INSL6: variants seen among roughly 807,000 people sequenced by gnomAD.
INSL6 encodes insulin like 6.
In INSL6, 16 loss-of-function variants were observed where a neutral mutation model predicts 9.4. The ratio of observed to expected loss-of-function variants is 1.70; its 90% CI spans 1.15 to 2.59. The LOEUF is 2.59. Among genes scored for constraint, INSL6 ranks in the 30% most tolerant of loss-of-function variants. The pLI is 0.00. For missense variants in INSL6, 391 were observed against 257.3 expected (o/e 1.52, Z -3.56); for synonymous variants, 154 against 96.9 (o/e 1.59, Z -3.46).
At chr9:5,115,441 G>C in the INSL6 span, among the ~76,000 whole-genome samples, 2 of 152,192 alleles carry the variant, frequency 1.3e-5, no homozygotes, top group Non-Finnish European at 2.9e-5. Flanking sequence ...GGAAAAACAG[G>C]AATGCTTTTA....
chr9:5,050,546 C>T, the INSL6 span: 1 of 774,848 alleles, frequency 1.3e-6, no homozygotes, highest in Non-Finnish European at 2.0e-6. Context: ...TCTGGGATTA[C>T]AGGCATGAGC....
chr9:5,060,093 C>CTT, the INSL6 span, among the ~76,000 whole-genome samples: 5 of 152,156 alleles, frequency 3.3e-5, no homozygotes, highest in East Asian at 9.6e-4. Context: ...ACACTATAAT[C>CTT]AAGTCTACTA....
the INSL6 span, among the ~76,000 whole-genome samples, chr9:5,096,361 C>A: frequency 6.6e-6 from 1 of 152,158 alleles, no homozygotes; most frequent in African/African-American, 2.4e-5. Context: ...AAACTCTATT[C>A]TGCATCAGTT....
the INSL6 span, among the ~76,000 whole-genome samples, chr9:5,104,247 A>T: frequency 1.6e-4 from 25 of 152,368 alleles, no homozygotes; most frequent in Middle Eastern, 3.4e-3. Context: ...CACCGATCCC[A>T]CAGAAATACA....
At chr9:5,162,440 T>C (rs992991494), downstream of INSL6, among the ~76,000 whole-genome samples, 3 of 152,150 alleles carry the variant, frequency 2.0e-5, no homozygotes, top group African/African-American at 4.8e-5. Context: ...AATTTTCTAA[T>C]TGGGACTTTT....
chr9:5,005,963 A>T, the INSL6 span, among the ~76,000 whole-genome samples: 1 of 152,096 alleles, frequency 6.6e-6, no homozygotes, highest in Non-Finnish European at 1.5e-5. Flanking sequence ...CTTAGGATTG[A>T]CCTGGCGATG....
the INSL6 span, among the ~76,000 whole-genome samples, chr9:5,065,580 G>A: frequency 6.6e-6 from 1 of 152,160 alleles, no homozygotes; most frequent in South Asian, 2.1e-4. Flanking sequence ...TAATGCAACC[G>A]AGGAACTGAA....
the INSL6 span, among the ~76,000 whole-genome samples, chr9:5,011,323 C>G: frequency 6.6e-6 from 1 of 152,078 alleles, no homozygotes; most frequent in African/African-American, 2.4e-5. Context: ...GTAGCTGGGA[C>G]TACGGGCACA....
the INSL6 span, among the ~76,000 whole-genome samples, chr9:5,049,424 C>T: frequency 6.6e-6 from 1 of 152,224 alleles, no homozygotes; most frequent in Non-Finnish European, 1.5e-5. Context: ...GTGTGTGTGT[C>T]ATTCCTTCTA....
chr9:5,013,794 A>G, the INSL6 span, among the ~76,000 whole-genome samples: 2 of 152,134 alleles, frequency 1.3e-5, no homozygotes, highest in East Asian at 3.8e-4. Flanking sequence ...TTTATTTTGT[A>G]CTTAGATGAT....
rs138605302 is a variant in INSL6 at position 5,177,666 on chromosome 9, T to A, written c.289+7648A>T. 1.1e-3 allele frequency among the ~76,000 whole-genome samples: 168 copies of A among 152,318 alleles called. 2 individuals carry two copies. In the East Asian group the frequency reaches 0.013, roughly 12 times the overall value. On this transcript the variant is annotated intron_variant, in intron 1 of 1. Transcript: ENST00000381641. ...GCACCTCACAAATTAAGACCTGATT[T>A]GGAATTCCAGCCACCCAAAGCAAAA... is the stretch of plus-strand genomic sequence containing the variant.
intron 3 of INSL6, chr9:5,132,877 C>T (rs1185648815): frequency 4.6e-5 from 7 of 152,194 alleles, no homozygotes; most frequent in Admixed American, 4.6e-4. Context: ...TAGAAGATTA[C>T]AACTTTCAGT....
the INSL6 span, among the ~76,000 whole-genome samples, chr9:5,026,946 T>G: frequency 6.6e-6 from 1 of 152,256 alleles, no homozygotes; most frequent in African/African-American, 2.4e-5. Flanking sequence ...TAATTATTAA[T>G]GTATTGTGTA....
At chr9:5,116,737 G>A in the INSL6 span, among the ~76,000 whole-genome samples, 1 of 152,162 alleles carries the variant, frequency 6.6e-6, no homozygotes, top group Non-Finnish European at 1.5e-5. Context: ...TCCCTTAGTA[G>A]AAAGGCTGAA....
chr9:5,173,461 G>C (rs1180792510), intron 1 of INSL6, among the ~76,000 whole-genome samples: 1 of 152,162 alleles, frequency 6.6e-6, no homozygotes, highest in East Asian at 1.9e-4. Flanking sequence ...CCTTTGCAGG[G>C]AAATGGATGG....
At chr9:5,121,677 TC>T (rs1161963544), downstream of INSL6, among the ~76,000 whole-genome samples, 3 of 152,096 alleles carry the variant, frequency 2.0e-5, no homozygotes, top group African/African-American at 7.2e-5. Flanking sequence ...TACATACACT[TC>T]AAAAAGACAA....
the INSL6 span, among the ~76,000 whole-genome samples, chr9:5,093,365 T>C: frequency 6.6e-6 from 1 of 152,164 alleles, no homozygotes; most frequent in Non-Finnish European, 1.5e-5. Context: ...CACCATATCC[T>C]GACCTTGCAA....
the INSL6 span, among the ~76,000 whole-genome samples, chr9:5,082,622 T>C: frequency 6.6e-6 from 1 of 152,212 alleles, no homozygotes; most frequent in Non-Finnish European, 1.5e-5. Context: ...GTCTTTCCCA[T>C]CCCACGAGGC....
chr9:5,021,974 GA>G, the INSL6 span: 5 of 1,596,304 alleles, frequency 3.1e-6, no homozygotes, highest in Non-Finnish European at 4.3e-6. Context: ...CAAATGTTCT[GA>G]AAAAGACTCT....
Sources: allele counts gnomAD v4.1 joint callset (sites outside exome capture counted in the v4.1 genomes callset), GRCh38; gene constraint gnomAD v4.1.1; transcripts MANE v1.5; gene names NCBI Gene and HGNC (gene_info 2026-07-23, HGNC 2026-07-21).